The following GPN2 variants were observed in gnomAD, a reference collection of about 807,000 sequenced individuals.
GPN2 encodes GPN-loop GTPase 2, also known as ATP-binding domain 1 family member B.
A neutral mutation model predicts 30.1 loss-of-function variants in GPN2; 27 were observed. The observed-to-expected ratio is 0.90, with a 90% confidence interval of 0.66 to 1.24. GPN2 has a LOEUF of 1.24. Among genes scored for constraint, GPN2 ranks in the 50% most tolerant of loss-of-function variants. GPN2 has a pLI of 0.00. For missense variants in GPN2, 406 were observed against 405.4 expected, an observed-to-expected ratio of 1.00 and a Z score of -0.01; for synonymous variants, 212 against 174.4, an observed-to-expected ratio of 1.22 and a Z score of -1.70.
At chr1:26,884,104 T>C in intron 4 of GPN2, 56 bp downstream of exon 4, 1 of 1,487,084 alleles carries the variant, frequency 6.7e-7, no homozygotes, top group African/African-American at 1.4e-5. Context: ...CCTGTGGCCA[T>C]TCTTGAGTCC....
At position 26,890,140 on chromosome 1, in the gene GPN2, G is replaced by T; in HGVS notation, c.-44C>A. On this transcript the variant is annotated 5_prime_UTR_variant, in exon 1 of 5. Coordinates refer to ENST00000374135, the MANE Select transcript of GPN2 (RefSeq NM_018066.4). The stretch of plus-strand genomic sequence containing the variant: ...AGCAGGTCAACTCACAGGGAAAACG[G>T]GGCAGGTAGCCGCGCCGGAGACGAG... 1 of 1,453,350 alleles carries T rather than the reference G, an allele frequency of 6.9e-7. No individual in the cohort carries two copies. Among genetic ancestry groups the T allele is most frequent in the Non-Finnish European group, 9.0e-7 (1 of 1,105,706 alleles). 90.0% of individuals were successfully genotyped at this position (1,453,350 alleles called of 1,614,324 possible). A position where few individuals can be genotyped will look rare whatever the true frequency, so the allele number is the denominator to read the frequency against.
In GPN2 at chr1:26,884,253, T is replaced by A; in HGVS notation, c.767A>T (p.Asp256Val). Residue 256 changes from aspartate to valine, a missense_variant, in exon 4 of 5, where the codon GAT becomes GTT. Transcript: ENST00000374135. ...TCTGAAACAGTATCCATTGGCTTTA[T>A]CCACAGCCTGCAGGACTCGCTGGAT... ...ESIQRVLQAV[D>V]KANGYCFRAQ... The A allele has an allele frequency of 1.2e-6, 2 of 1,613,762 alleles. No individual in the cohort carries two copies. Among genetic ancestry groups the A allele is most frequent in the Non-Finnish European group, 1.7e-6 (2 of 1,179,754 alleles).
At chr1:26,889,554 T>G in intron 1 of GPN2, 132 bp downstream of exon 1, 1 of 811,298 alleles carries the variant, frequency 1.2e-6, no homozygotes, top group Non-Finnish European at 2.0e-6. Flanking sequence ...AGAGCCAGAT[T>G]CTGAACTCAT....
intron 2 of GPN2, among the ~76,000 whole-genome samples, chr1:26,887,880 C>T (rs1318561909): frequency 2.3e-5 from 3 of 129,074 alleles, no homozygotes; most frequent in East Asian, 2.3e-4. Context: ...TTTTTTGAGA[C>T]GGAGTTTCAC....
At position 26,878,609 on chromosome 1, in the gene GPN2, T is replaced by C. The variant is rs1191619147; in HGVS notation, c.*1068A>G. On this transcript the variant is annotated 3_prime_UTR_variant, in exon 5 of 5. Coordinates refer to ENST00000374135, the MANE Select transcript of GPN2 (RefSeq NM_018066.4). ...TATTTCATTTTTGAAGTACACCTTTTTTTTGAGACAAAGTCTCGCTCTGTC... is the reference window on the plus strand; with the variant it reads ...TATTTCATTTTTGAAGTACACCTTTCTTTTGAGACAAAGTCTCGCTCTGTC... The C allele has an allele frequency of 6.6e-6, 1 of 151,706 alleles. No individual in the cohort carries two copies. The allele number at this position is 151,706 out of a possible 1,614,324, so 9.4% of individuals were successfully genotyped here. A position where few individuals can be genotyped will look rare whatever the true frequency, so the allele number is the denominator to read the frequency against.
Position 26,885,967 on chromosome 1 carries a change from T to C in GPN2, c.729+6A>G. On this transcript the variant is annotated splice_donor_region_variant and intron_variant, in intron 3 of 4. Transcript: ENST00000374135. ...CTGTCAAGAGTCCCGTCTTAGCCCC[T>C]AGTACCTGGATGTTGAGAGGGATAA... is the stretch of plus-strand genomic sequence containing the variant. 1 of 1,606,070 alleles carries C rather than the reference T, an allele frequency of 6.2e-7. No individual in the cohort carries two copies. Among genetic ancestry groups the C allele is most frequent in the Non-Finnish European group, 8.5e-7 (1 of 1,172,876 alleles).
intron 2 of GPN2, among the ~76,000 whole-genome samples, chr1:26,886,965 C>A (rs1368199468): frequency 1.4e-5 from 2 of 144,546 alleles, no homozygotes; most frequent in Non-Finnish European, 3.0e-5. Context: ...TGCACTCCAG[C>A]TTGGGCAACA....
At chr1:26,883,238 G>A (rs972069544) in intron 4 of GPN2, among the ~76,000 whole-genome samples, 1 of 152,158 alleles carries the variant, frequency 6.6e-6, no homozygotes, top group Non-Finnish European at 1.5e-5. Flanking sequence ...TCCTTAGTAG[G>A]GCACTCAGGC....
intron 2 of GPN2, 137 bp downstream of exon 2, chr1:26,888,832 G>A: frequency 1.3e-6 from 1 of 772,320 alleles, no homozygotes; most frequent in South Asian, 1.6e-5. Flanking sequence ...AAAATAAATG[G>A]GCAGGAGTTA....
intron 4 of GPN2, among the ~76,000 whole-genome samples, chr1:26,880,608 G>GC (rs2124292027): frequency 1.3e-5 from 2 of 152,096 alleles, no homozygotes; most frequent in South Asian, 4.2e-4. Context: ...ACCACGCCTG[G>GC]CCAAAAATAA....
At chr1:26,882,312 A>C (rs1442829203) in intron 4 of GPN2, among the ~76,000 whole-genome samples, 1 of 151,794 alleles carries the variant, frequency 6.6e-6, no homozygotes, top group East Asian at 1.9e-4. Context: ...TGAACCCTGG[A>C]GTTGGAGATT....
rs560852058 is a variant in GPN2, at chr1:26,876,913, C to T, written c.*2764G>A. On this transcript the variant is annotated 3_prime_UTR_variant, in exon 5 of 5. Coordinates refer to ENST00000374135, the MANE Select transcript of GPN2 (RefSeq NM_018066.4). ...TAAAGTTGTAAAGGATGCCTTCCAG[C>T]CCCCATTTGGTTTGTTATGGTGAGA... 1.3e-5 allele frequency: 2 copies of T among 151,956 alleles called. No individual in the cohort carries two copies. The highest frequency in any genetic ancestry group is 3.9e-4 in the East Asian group (2 of 5,184). The allele number at this position is 151,956 out of a possible 1,614,324, so 9.4% of individuals were successfully genotyped here.
rs946547349 is a variant in GPN2 at position 26,877,830 on chromosome 1, T to G, written c.*1847A>C. ...GCGGGTAAATCATGAGGTCAGTAGT[T>G]CAAGACCAGCCTGAACAACATGGTG... On this transcript the variant is annotated 3_prime_UTR_variant, in exon 5 of 5. Coordinates refer to ENST00000374135, the MANE Select transcript of GPN2 (RefSeq NM_018066.4). The G allele has an allele frequency of 1.3e-5, 2 of 152,162 alleles. No homozygotes were observed. Among genetic ancestry groups the G allele is most frequent in the Admixed American group, 1.3e-4 (2 of 15,272 alleles). 9.4% of individuals were successfully genotyped at this position (152,162 alleles called of 1,614,324 possible).
chr1:26,882,042 G>A (rs1422265007), intron 4 of GPN2, among the ~76,000 whole-genome samples: 2 of 152,058 alleles, frequency 1.3e-5, no homozygotes, highest in South Asian at 4.1e-4. Flanking sequence ...ATGGTAAAAC[G>A]CTGTCTCTAC....
Position 26,890,145 on chromosome 1 carries a change from G to C in GPN2, c.-49C>G. 1 of 1,437,664 alleles carries C rather than the reference G, an allele frequency of 7.0e-7. No homozygotes were observed. The highest frequency in any genetic ancestry group is 9.1e-7 in the Non-Finnish European group (1 of 1,093,642). The allele number at this position is 1,437,664 out of a possible 1,614,324, so 89.1% of individuals were successfully genotyped here. A position where few individuals can be genotyped will look rare whatever the true frequency, so the allele number is the denominator to read the frequency against. ...GTCAACTCACAGGGAAAACGGGGCAGGTAGCCGCGCCGGAGACGAGACTGA... is the reference window on the plus strand; with the variant it reads ...GTCAACTCACAGGGAAAACGGGGCACGTAGCCGCGCCGGAGACGAGACTGA... On this transcript the variant is annotated 5_prime_UTR_variant, in exon 1 of 5. Coordinates refer to ENST00000374135, the MANE Select transcript of GPN2 (RefSeq NM_018066.4).
Position 26,879,539 on chromosome 1 carries a change from T to C in GPN2, c.*138A>G. 1.5e-6 allele frequency: 1 copy of C among 674,358 alleles called. No homozygotes were observed. Among genetic ancestry groups the C allele is most frequent in the Non-Finnish European group, 2.7e-6 (1 of 370,524 alleles). 41.8% of individuals were successfully genotyped at this position (674,358 alleles called of 1,614,324 possible). A position where few individuals can be genotyped will look rare whatever the true frequency, so the allele number is the denominator to read the frequency against. The stretch of plus-strand genomic sequence containing the variant: ...TCTGGCTTTTTGGCCAGAAGTCCTT[T>C]GCAGAGCTGAATATCCCCTTGCCAG... On this transcript the variant is annotated 3_prime_UTR_variant, in exon 5 of 5. Transcript: ENST00000374135.
rs1570692383 is a variant in GPN2 at position 26,884,277 on chromosome 1, A to G, written c.743T>C (p.Ile248Thr). The change falls in exon 4 of 5, where the codon ATC becomes ACC. Residue 248 changes from isoleucine (I) to threonine (T), a missense_variant. Coordinates refer to ENST00000374135, the MANE Select transcript of GPN2 (RefSeq NM_018066.4). ...IPLNIQDKES[I>T]QRVLQAVDKA... The stretch of plus-strand genomic sequence containing the variant: ...ATCCACAGCCTGCAGGACTCGCTGG[A>G]TGCTCTCCTTGTCCTGAGCAGGGAG... 1.1e-5 allele frequency: 18 copies of G among 1,612,800 alleles called. No homozygotes were observed. The highest frequency in any genetic ancestry group is 1.4e-5 in the Non-Finnish European group (16 of 1,179,544).
At chr1:26,884,024 A>G in intron 4 of GPN2, 136 bp downstream of exon 4, 1 of 669,014 alleles carries the variant, frequency 1.5e-6, no homozygotes, top group Non-Finnish European at 2.4e-6. Flanking sequence ...TGGGCGACAG[A>G]GCAAGACTCC....
At position 26,889,701 on chromosome 1, in the gene GPN2, C is replaced by A; in HGVS notation, c.396G>T (p.Ala132=). 1 of 1,584,838 alleles carries A rather than the reference C, an allele frequency of 6.3e-7. No individual in the cohort carries two copies. Among genetic ancestry groups the A allele is most frequent in the Non-Finnish European group, 8.6e-7 (1 of 1,162,076 alleles). The change falls in exon 1 of 5, where the codon GCG becomes GCT. Residue 132 remains alanine (A), a synonymous_variant. Coordinates refer to ENST00000374135, the MANE Select transcript of GPN2 (RefSeq NM_018066.4). Reference sequence around the variant, plus strand: ...TGAGACGCACCCTGAGGTCCCACTGCGCCATTTGGGAGAAGATGCTGCGCA... The same window carrying A: ...TGAGACGCACCCTGAGGTCCCACTGAGCCATTTGGGAGAAGATGCTGCGCA... ...GALRSIFSQM[A]QWDLRLTAVH... is the part of the protein sequence containing the mutation.
Sources: gnomAD v4.1 joint callset for allele counts (sites outside exome capture counted in the v4.1 genomes callset) on GRCh38, gnomAD v4.1.1 for gene constraint, MANE v1.5 for transcripts, NCBI Gene and HGNC (gene_info 2026-07-23, HGNC 2026-07-21) for gene names.